CYP4F11: variants seen among roughly 807,000 people sequenced by gnomAD.
The protein encoded by CYP4F11 is cytochrome P450 4F11.
CYP4F11 carries 79 observed loss-of-function variants against 62.2 expected under a neutral mutation model. The observed-to-expected ratio is 1.27, with a 90% CI of 1.06 to 1.53. The LOEUF is 1.53. Among genes scored for constraint, CYP4F11 ranks in the 40% most tolerant of loss-of-function variants. The pLI is 0.00. For synonymous variants in CYP4F11, 290 were observed against 263.7 expected (o/e 1.10, Z -0.97); for missense variants, 777 against 680.5 (o/e 1.14, Z -1.58).
In CYP4F11 at chr19:15,912,396, T is replaced by G. The variant is rs2089536365; in HGVS notation, c.*1336A>C. On this transcript the variant is annotated 3_prime_UTR_variant, in exon 12 of 12. Transcript: ENST00000402119. Reference sequence around the variant, plus strand: ...TCCAAATAAATATAGGCAACTTATATTTGATAAAGGTGCAAAGGCAATACG... The same window carrying G: ...TCCAAATAAATATAGGCAACTTATAGTTGATAAAGGTGCAAAGGCAATACG... 1 of 152,078 alleles carries G rather than the reference T, an allele frequency of 6.6e-6. No homozygotes were observed. Among genetic ancestry groups the G allele is most frequent in the African/African-American group, 2.4e-5 (1 of 41,420 alleles). 9.4% of individuals were successfully genotyped at this position (152,078 alleles called of 1,614,324 possible). A position where few individuals can be genotyped will look rare whatever the true frequency, so the allele number is the denominator to read the frequency against.
intron 1 of CYP4F11, 21 bp from the exon 2 acceptor site, chr19:15,929,622 G>T (rs999433125): frequency 6.4e-7 from 1 of 1,566,780 alleles, no homozygotes; most frequent in African/African-American, 1.4e-5. Flanking sequence ...GGCAGAGGCC[G>T]TCAGCCCTTG....
chr19:15,931,562 GA>G lies in CYP4F11; in HGVS notation c.199-1962del, dbSNP rs1451889635. The stretch of plus-strand genomic sequence containing the variant: ...TGAGCGGGGAGAGGAATGAGTGAGC[GA>G]GGAGAGGAATGAGTGAGCGAGGAGA... On this transcript the variant is annotated intron_variant, in intron 1 of 11. Coordinates refer to ENST00000402119, the MANE Select transcript of CYP4F11 (RefSeq NM_021187.4). Among the ~76,000 whole-genome samples, 110 of 119,220 alleles carry G rather than the reference GA, an allele frequency of 9.2e-4. 8 individuals are homozygous for G. Among genetic ancestry groups the G allele is most frequent in the African/African-American group, 1.8e-3 (57 of 31,980 alleles). 78.2% of individuals were successfully genotyped at this position (119,220 alleles called of 152,430 possible). A position where few individuals can be genotyped will look rare whatever the true frequency, so the allele number is the denominator to read the frequency against.
rs2089562234 is a variant in CYP4F11 at position 15,914,163 on chromosome 19, A to G, written c.1397+142T>C. On this transcript the variant is annotated intron_variant, in intron 11 of 11. Coordinates refer to ENST00000402119, the MANE Select transcript of CYP4F11 (RefSeq NM_021187.4). The stretch of plus-strand genomic sequence containing the variant: ...CGCAGACCCCTCTAGGACCTTCCCA[A>G]ACCCATTCTGTGAACAGTTGCCCAT... 2.5e-6 allele frequency: 3 copies of G among 1,193,174 alleles called. No homozygotes were observed. In the African/African-American group the frequency reaches 4.6e-5, roughly 18 times the overall value. The allele number at this position is 1,193,174 out of a possible 1,614,324, so 73.9% of individuals were successfully genotyped here.
chr19:15,922,619 ACCT>A (rs1431550756), intron 6 of CYP4F11, among the ~76,000 whole-genome samples, 189 bp from the exon 7 acceptor site: 3 of 151,956 alleles, frequency 2.0e-5, no homozygotes, highest in Admixed American at 2.0e-4. Context: ...TGGCTTCTTC[ACCT>A]CCTATTTGGC....
intron 5 of CYP4F11, 73 bp downstream of exon 5, chr19:15,924,688 G>C: frequency 6.4e-7 from 1 of 1,561,902 alleles, no homozygotes; most frequent in Non-Finnish European, 8.7e-7. Context: ...TGGTTACCCC[G>C]GTCAGCCATC....
At position 15,925,353 on chromosome 19, in the gene CYP4F11, T is replaced by C. The variant is rs181480292; in HGVS notation, c.526-471A>G. ...CCAAAGCCTCATGGGGTTATTAAAA[T>C]TAAATTCCTAAATATGTATCATGGA... On this transcript the variant is annotated intron_variant, in intron 4 of 11. Coordinates refer to ENST00000402119, the MANE Select transcript of CYP4F11 (RefSeq NM_021187.4). Among the ~76,000 whole-genome samples the C allele has an allele frequency of 1.7e-3, 253 of 152,330 alleles. 1 individual carries two copies. Among genetic ancestry groups the C allele is most frequent in the African/African-American group, 5.1e-3 (212 of 41,576 alleles).
chr19:15,931,564 GGAGAGGAA>G (rs2089720307), intron 1 of CYP4F11, among the ~76,000 whole-genome samples: 1 of 120,072 alleles, frequency 8.3e-6, no homozygotes, highest in East Asian at 2.5e-4. Context: ...GAGTGAGCGA[GGAGAGGAA>G]TGAGTGAGCG....
Position 15,922,358 on chromosome 19 carries a change from C to T in CYP4F11, c.985+6G>A. ...CCCCACCGTAGTCCCACACTGAGAC[C>T]CTCACCCTCAAACATGAAGGTGTCA... On this transcript the variant is annotated splice_donor_region_variant and intron_variant, in intron 7 of 11. Transcript: ENST00000402119. 1 of 1,614,078 alleles carries T rather than the reference C, an allele frequency of 6.2e-7. No homozygotes were observed. Among genetic ancestry groups the T allele is most frequent in the Non-Finnish European group, 8.5e-7 (1 of 1,179,972 alleles).
chr19:15,930,890 A>G (rs545483168), intron 1 of CYP4F11, among the ~76,000 whole-genome samples: 2 of 152,232 alleles, frequency 1.3e-5, no homozygotes, highest in African/African-American at 4.8e-5. Context: ...AGTGACTCTT[A>G]ACTGTCTACA....
At chr19:15,927,156 C>A (rs1450271631) in intron 4 of CYP4F11, 56 bp downstream of exon 4, 4 of 1,588,878 alleles carry the variant, frequency 2.5e-6, no homozygotes, top group Non-Finnish European at 3.4e-6. Flanking sequence ...AGCAGATATG[C>A]CTGTGGTCCC....
intron 6 of CYP4F11, among the ~76,000 whole-genome samples, chr19:15,923,060 TGA>T (rs1599375496): frequency 6.6e-6 from 1 of 151,994 alleles, no homozygotes; most frequent in East Asian, 1.9e-4. Context: ...TCAAAAAAAA[TGA>T]AAGAAAGAAA....
At chr19:15,927,158 T>C in intron 4 of CYP4F11, 54 bp downstream of exon 4, 1 of 1,591,770 alleles carries the variant, frequency 6.3e-7, no homozygotes, top group Non-Finnish European at 8.6e-7. Flanking sequence ...CAGATATGCC[T>C]GTGGTCCCTC....
intron 1 of CYP4F11, among the ~76,000 whole-genome samples, chr19:15,933,369 G>A (rs374773335): frequency 0.026 from 8 of 304 alleles, no homozygotes; most frequent in South Asian, 0.5. Flanking sequence ...AGTGAGGAGA[G>A]GAATGAGTGA....
Position 15,913,603 on chromosome 19 carries a change from C to T in CYP4F11, c.*129G>A, listed in dbSNP as rs1555776683. ...AGAGACGTCACCCTGCCTCCACCCA[C>T]TCACCTCCCTTTCTTAGATCCCACC... On this transcript the variant is annotated 3_prime_UTR_variant, in exon 12 of 12. Transcript: ENST00000402119. The T allele has an allele frequency of 8.1e-7, 1 of 1,240,742 alleles. No homozygotes were observed. The highest frequency in any genetic ancestry group is 1.4e-5 in the South Asian group (1 of 71,112). The allele number at this position is 1,240,742 out of a possible 1,614,324, so 76.9% of individuals were successfully genotyped here.
At chr19:15,928,139 T>C (rs2089684275) in intron 2 of CYP4F11, 1 of 152,220 alleles carries the variant, frequency 6.6e-6, no homozygotes, top group Admixed American at 6.5e-5. Context: ...CCCTGGGTCC[T>C]ACACCTTGGA....
At position 15,914,823 on chromosome 19, in the gene CYP4F11, C is replaced by T. The variant is rs138369700; in HGVS notation, c.1188G>A (p.Pro396=). 312 of 1,614,104 alleles carry T rather than the reference C, an allele frequency of 1.9e-4. 1 individual carries two copies. The highest frequency in any genetic ancestry group is 2.3e-4 in the Non-Finnish European group (271 of 1,180,014). The change falls in exon 9 of 12, where the codon CCG becomes CCA. Residue 396 remains proline (P), a synonymous_variant. Transcript: ENST00000402119. ...CCTGCGTGCAACATCGGGAGATGAC[C>T]GGGACTGGGGGATGCAACCGCAGGC... ...KESLRLHPPV[P]VISRCCTQDF...
In CYP4F11 at chr19:15,912,668, G is replaced by GAAAAAAAGAAAAA. The variant is rs1491166551; in HGVS notation, c.*1063_*1064insTTTTTCTTTTTTT. 4.1e-3 allele frequency: 245 copies of GAAAAAAAGAAAAA among 59,746 alleles called. 13 individuals are homozygous for GAAAAAAAGAAAAA. Among genetic ancestry groups the GAAAAAAAGAAAAA allele is most frequent in the African/African-American group, 0.015 (202 of 13,248 alleles). The allele number at this position is 59,746 out of a possible 1,614,324, so 3.7% of individuals were successfully genotyped here. ...AGTCAGGTACCTTCACCATCCTCAGGAAAAAAAAAAAAATATATATATATA... is the reference window on the plus strand; with the variant it reads ...AGTCAGGTACCTTCACCATCCTCAGGAAAAAAAGAAAAAAAAAAAAAAAAAATATATATATATA... On this transcript the variant is annotated 3_prime_UTR_variant, in exon 12 of 12. Transcript: ENST00000402119.
chr19:15,919,919 G>A (rs955599911), intron 8 of CYP4F11, among the ~76,000 whole-genome samples: 12 of 152,168 alleles, frequency 7.9e-5, no homozygotes, highest in African/African-American at 2.7e-4. Flanking sequence ...GTTGCCAGAG[G>A]AGGGAGGAAG....
intron 7 of CYP4F11, 40 bp downstream of exon 7, chr19:15,922,324 G>T: frequency 6.2e-7 from 1 of 1,612,194 alleles, no homozygotes; most frequent in East Asian, 2.2e-5. Context: ...GGGATGGAGA[G>T]GCCCCTGTCC....
Sources: allele counts gnomAD v4.1 joint callset (sites outside exome capture counted in the v4.1 genomes callset), GRCh38; gene constraint gnomAD v4.1.1; transcripts MANE v1.5; gene names NCBI Gene and HGNC (gene_info 2026-07-23, HGNC 2026-07-21).